SEMA3G: variants seen among roughly 807,000 people sequenced by gnomAD.
SEMA3G encodes the protein semaphorin 3G.
In SEMA3G, 70 loss-of-function variants were observed where a neutral mutation model predicts 86.2. The observed-to-expected ratio is 0.81, with a 90% CI of 0.67 to 0.99. SEMA3G has a LOEUF of 0.99. SEMA3G is among the 50% of genes least tolerant of loss of function. The pLI is 0.00. For missense variants in SEMA3G, 1,002 were observed against 1,072.4 expected (o/e 0.93, Z 0.92); for synonymous variants, 416 against 441.4 (o/e 0.94, Z 0.72).
chr3:52,437,281 TTC>T (rs1706063065), intron 15 of SEMA3G, among the ~76,000 whole-genome samples: 1 of 152,164 alleles, frequency 6.6e-6, no homozygotes, highest in Non-Finnish European at 1.5e-5. Context: ...CCAGACCCTC[TTC>T]TCTCTCTTCC....
chr3:52,444,837 G>A lies in SEMA3G; in HGVS notation c.115+76C>T, dbSNP rs544569483. 1.2e-4 allele frequency: 132 copies of A among 1,114,820 alleles called. 1 individual carries two copies. In the African/African-American group the frequency reaches 1.4e-3, roughly 12 times the overall value. The allele number at this position is 1,114,820 out of a possible 1,614,324, so 69.1% of individuals were successfully genotyped here. The stretch of plus-strand genomic sequence containing the variant: ...AAACAGGGCACATGCACACAAACAC[G>A]GCACATGCACCCAAACAGAGCGCAC... On this transcript the variant is annotated intron_variant, in intron 1 of 15. Transcript: ENST00000231721.
Position 52,442,741 on chromosome 3 carries a change from G to T in SEMA3G, c.276+6C>A. 1 of 1,613,730 alleles carries T rather than the reference G, an allele frequency of 6.2e-7. No individual in the cohort carries two copies. The highest frequency in any genetic ancestry group is 8.5e-7 in the Non-Finnish European group (1 of 1,179,808). On this transcript the variant is annotated splice_donor_region_variant and intron_variant, in intron 2 of 15. Coordinates refer to ENST00000231721, the MANE Select transcript of SEMA3G (RefSeq NM_020163.3). The surrounding 1 kb of genome is among the most constrained non-coding windows in gnomAD (Gnocchi z 6.1). ...ACAGACCCTCTTCCCTGCCAGTCCAGCTCACCTCCCGGGGATCTGGCCATG... is the reference window on the plus strand; with the variant it reads ...ACAGACCCTCTTCCCTGCCAGTCCATCTCACCTCCCGGGGATCTGGCCATG...
chr3:52,440,754 C>T lies in SEMA3G; in HGVS notation c.998G>A (p.Ser333Asn). 2 of 1,611,748 alleles carry T rather than the reference C, an allele frequency of 1.2e-6. No individual in the cohort carries two copies. The highest frequency in any genetic ancestry group is 1.7e-6 in the Non-Finnish European group (2 of 1,179,092). ...LEVYALFSTV[S>N]AVFQGFAVCV... ...AGGCCGGGGTGCTGGGTGTGCCCAC[C>T]TGACGGTGCTGAACAGCGCGTACAC... The change falls in exon 9 of 16, where the codon AGT becomes AAT. Residue 333 changes from serine to asparagine, a missense_variant and splice_region_variant. Physicochemically the swap from Ser to Asn is conservative, Grantham distance 46. Transcript: ENST00000231721.
At chr3:52,443,225 C>T (rs1706194898) in intron 1 of SEMA3G, among the ~76,000 whole-genome samples, 1 of 152,124 alleles carries the variant, frequency 6.6e-6, no homozygotes, top group Admixed American at 6.5e-5. Context: ...GGGAAGAAGG[C>T]CCCAACCAGC....
intron 1 of SEMA3G, among the ~76,000 whole-genome samples, chr3:52,443,464 C>T (rs1438160679): frequency 6.6e-6 from 1 of 152,168 alleles, no homozygotes; most frequent in African/African-American, 2.4e-5. Flanking sequence ...GGCTATCCCA[C>T]CCCAGAGATG....
chr3:52,443,283 C>G (rs1706196116), intron 1 of SEMA3G, among the ~76,000 whole-genome samples: 1 of 152,216 alleles, frequency 6.6e-6, no homozygotes, highest in African/African-American at 2.4e-5. Context: ...GGGCGGGAGT[C>G]TTTGCAGGCC....
chr3:52,443,067 C>T lies in SEMA3G; in HGVS notation c.116-160G>A, dbSNP rs1706191116. ...GTGCTGGAAGGCTTTCGGACCATGG[C>T]TCCTGGGGACAGGTGGGACGGGAGG... On this transcript the variant is annotated intron_variant, in intron 1 of 15. Transcript: ENST00000231721. 4 of 1,531,568 alleles carry T rather than the reference C, an allele frequency of 2.6e-6. No homozygotes were observed. In the Admixed American group the frequency reaches 5.9e-5, roughly 23 times the overall value. 94.9% of individuals were successfully genotyped at this position (1,531,568 alleles called of 1,614,324 possible).
rs1438819472 is a variant in SEMA3G at position 52,440,363 on chromosome 3, C to T, written c.1143+14G>A. ...AGGCCTCGCTTCCCTGGCCTGGCCCCAGCAGATACTCACCACGCCAGGGCG... is the reference window on the plus strand; with the variant it reads ...AGGCCTCGCTTCCCTGGCCTGGCCCTAGCAGATACTCACCACGCCAGGGCG... On this transcript the variant is annotated intron_variant, in intron 10 of 15. Coordinates refer to ENST00000231721, the MANE Select transcript of SEMA3G (RefSeq NM_020163.3). 1 of 1,586,610 alleles carries T rather than the reference C, an allele frequency of 6.3e-7. No homozygotes were observed. The highest frequency in any genetic ancestry group is 1.3e-5 in the African/African-American group (1 of 74,128).
chr3:52,443,122 C>T, intron 1 of SEMA3G: 2 of 1,323,064 alleles, frequency 1.5e-6, no homozygotes, highest in Non-Finnish European at 1.0e-6. Context: ...CCCAGCCTAC[C>T]CTGGGGCCTA....
Position 52,441,273 on chromosome 3 carries a change from G to A in SEMA3G, c.804C>T (p.Arg268=), listed in dbSNP as rs138050174. ...SNHVTVSRVG[R]VCVNDAGGQR... ...CCTTCCCAGCTCTTACCACGCAGAC[G>A]CGGCCCACGCGGCTGACAGTGACAT... Residue 268 remains arginine, a synonymous_variant, in exon 7 of 16, where the codon CGC becomes CGT. Transcript: ENST00000231721. 19 of 1,613,092 alleles carry A rather than the reference G, an allele frequency of 1.2e-5. No homozygotes were observed. Among genetic ancestry groups the A allele is most frequent in the Middle Eastern group, 1.6e-4 (1 of 6,080 alleles).
intron 9 of SEMA3G, 71 bp downstream of exon 9, chr3:52,440,683 C>A (rs1357348407): frequency 4.7e-6 from 7 of 1,501,254 alleles, no homozygotes; most frequent in Admixed American, 3.6e-5. Flanking sequence ...TCAGAGAGTA[C>A]AGTCACAGGT....
chr3:52,438,116 C>G lies in SEMA3G; in HGVS notation c.1593G>C (p.Glu531Asp). 1 of 1,613,322 alleles carries G rather than the reference C, an allele frequency of 6.2e-7. No homozygotes were observed. Among genetic ancestry groups the G allele is most frequent in the African/African-American group, 1.3e-5 (1 of 75,080 alleles). ...QCETYGTACA[E>D]CCLARDPYCA... ...AGTATGGGTCCCGGGCCAGGCAGCA[C>G]TCTGCACAGGCAGTGCCGTAAGTCT... Residue 531 changes from glutamate (E) to aspartate (D), a missense_variant, in exon 14 of 16, where the codon GAG becomes GAC. Glu to Asp is a conservative substitution (Grantham distance 45). Coordinates refer to ENST00000231721, the MANE Select transcript of SEMA3G (RefSeq NM_020163.3).
At position 52,434,735 on chromosome 3, in the gene SEMA3G, A is replaced by AC. The variant is rs1417510038; in HGVS notation, c.*867dup. The stretch of plus-strand genomic sequence containing the variant: ...GCCTGCACCCTTCCCCAGCTCCCCC[A>AC]CCCTATCTCTAGTCCACAGACACAA... On this transcript the variant is annotated 3_prime_UTR_variant, in exon 16 of 16. Transcript: ENST00000231721. The surrounding 1 kb of genome is among the most constrained non-coding windows in gnomAD (Gnocchi z 5.2). 1 of 151,384 alleles carries AC rather than the reference A, an allele frequency of 6.6e-6. No homozygotes were observed. The highest frequency in any genetic ancestry group is 1.5e-5 in the Non-Finnish European group (1 of 67,848). 9.4% of individuals were successfully genotyped at this position (151,384 alleles called of 1,614,324 possible).
chr3:52,435,803 C>A lies in SEMA3G; in HGVS notation c.2149G>T (p.Ala717Ser). The A allele has an allele frequency of 6.2e-7, 1 of 1,614,076 alleles. No individual in the cohort carries two copies. The part of the protein sequence containing the change: ...YKDILQLIGF[A>S]NLPRVDEYCE... ...TACTCATCCACCCGGGGCAGGTTGG[C>A]GAAGCCAATGAGCTGCAGGATGTCC... Residue 717 changes from alanine (A) to serine (S), a missense_variant, in exon 16 of 16, where the codon GCC becomes TCC. Transcript: ENST00000231721.
At chr3:52,437,484 C>A in intron 15 of SEMA3G, 43 bp downstream of exon 15, 1 of 1,584,812 alleles carries the variant, frequency 6.3e-7, no homozygotes, top group Non-Finnish European at 8.6e-7. Context: ...GGGAGGTGAC[C>A]TCAGGACACA....
In SEMA3G at chr3:52,444,944, G is replaced by A; in HGVS notation, c.84C>T (p.Pro28=). Residue 28 remains proline, a synonymous_variant, in exon 1 of 16, where the codon CCC becomes CCT. Transcript: ENST00000231721. ...HGGSSGPSPG[P]SVPRLRLSYR... is the part of the protein sequence containing the mutation. ...AGGAGAGCCGCAGGCGGGGCACACT[G>A]GGGCCGGGGCTGGGGCCAGAGCTAC... 1 of 1,303,204 alleles carries A rather than the reference G, an allele frequency of 7.7e-7. No homozygotes were observed. Among genetic ancestry groups the A allele is most frequent in the South Asian group, 2.6e-5 (1 of 39,152 alleles). 80.7% of individuals were successfully genotyped at this position (1,303,204 alleles called of 1,614,324 possible).
chr3:52,441,502 C>T, intron 6 of SEMA3G, 72 bp downstream of exon 6: 3 of 1,584,622 alleles, frequency 1.9e-6, no homozygotes, highest in Admixed American at 1.7e-5. Context: ...GCAGGGGACT[C>T]CCACTGGAGG....
rs1706023116 is a variant in SEMA3G, at chr3:52,435,189, C to T, written c.*414G>A. 1 of 192,846 alleles carries T rather than the reference C, an allele frequency of 5.2e-6. No homozygotes were observed. Among genetic ancestry groups the T allele is most frequent in the African/African-American group, 2.3e-5 (1 of 42,554 alleles). The allele number at this position is 192,846 out of a possible 1,614,324, so 11.9% of individuals were successfully genotyped here. On this transcript the variant is annotated 3_prime_UTR_variant, in exon 16 of 16. Transcript: ENST00000231721. The stretch of plus-strand genomic sequence containing the variant: ...CCACCCTCTGGCTCCCTGCAGGCCC[C>T]CTACCGGGATACCCCCTAGACGCAC...
In SEMA3G at chr3:52,441,661, C is replaced by A; in HGVS notation, c.580G>T (p.Asp194Tyr). Residue 194 changes from aspartate (D) to tyrosine (Y), a missense_variant, in exon 6 of 16, where the codon GAC (aspartate) becomes TAC (tyrosine). Physicochemically the swap from Asp to Tyr is radical, Grantham distance 160. Transcript: ENST00000231721. The stretch of plus-strand genomic sequence containing the variant: ...ATCATGGCCTCTCGCCCCAGGAAGT[C>A]AGCAGTGAGACCCGTGTACAGCTCC... ...DGELYTGLTA[D>Y]FLGREAMIFR... 6.2e-7 allele frequency: 1 copy of A among 1,613,790 alleles called. No homozygotes were observed. The highest frequency in any genetic ancestry group is 8.5e-7 in the Non-Finnish European group (1 of 1,180,002).
Sources: gnomAD v4.1 joint callset for allele counts (sites outside exome capture counted in the v4.1 genomes callset) on GRCh38, gnomAD v4.1.1 for gene constraint, Gnocchi (gnomAD v3.1) non-coding constraint, MANE v1.5 for transcripts, NCBI Gene and HGNC (gene_info 2026-07-23, HGNC 2026-07-21) for gene names.